SAMD5: variants seen among roughly 807,000 people sequenced by gnomAD.
The protein encoded by SAMD5 is sterile alpha motif domain containing 5.
A neutral mutation model predicts 11.3 loss-of-function variants in SAMD5; 13 were observed. The observed-to-expected ratio is 1.15, with a 90% CI of 0.75 to 1.83. SAMD5 has a LOEUF of 1.83. Ranked by LOEUF, SAMD5 falls within the 40% of genes most tolerant of loss-of-function variation. The pLI, the probability that SAMD5 is intolerant of heterozygous loss-of-function variation, is 0.00. For missense variants in SAMD5, 255 were observed against 239.1 expected (o/e 1.07, Z -0.44); for synonymous variants, 129 against 111.3 (o/e 1.16, Z -1.00).
the SAMD5 span, among the ~76,000 whole-genome samples, chr6:147,837,892 C>A: frequency 0.17 from 25,370 of 152,000 alleles, 2,469 homozygotes; most frequent in East Asian, 0.39. Flanking sequence ...CATGAGAGGC[C>A]AAATTCACCT....
chr6:147,746,550 A>G, the SAMD5 span, among the ~76,000 whole-genome samples: 2 of 152,216 alleles, frequency 1.3e-5, no homozygotes. Flanking sequence ...AATTAGAGTT[A>G]AAGAGGAAAT....
At chr6:147,780,356 C>A in the SAMD5 span, among the ~76,000 whole-genome samples, 1 of 151,940 alleles carries the variant, frequency 6.6e-6, no homozygotes, top group Admixed American at 6.6e-5. Context: ...TATAGATGCC[C>A]GCCACCACCC....
chr6:147,802,727 A>G, the SAMD5 span, among the ~76,000 whole-genome samples: 2 of 151,866 alleles, frequency 1.3e-5, no homozygotes, highest in Non-Finnish European at 2.9e-5. Flanking sequence ...AAAGAAATTA[A>G]CTACCAGCGC....
chr6:147,520,856 G>A (rs1225732031), intron 1 of SAMD5, among the ~76,000 whole-genome samples: 3 of 152,024 alleles, frequency 2.0e-5, no homozygotes, highest in African/African-American at 4.8e-5. Flanking sequence ...ACATACTTAC[G>A]TTTTAATGAT....
At chr6:147,599,421 G>A (rs1789583063) in intron 1 of SAMD5, among the ~76,000 whole-genome samples, 1 of 152,276 alleles carries the variant, frequency 6.6e-6, no homozygotes, top group East Asian at 1.9e-4. Context: ...GAATCTGTGA[G>A]CACATTTTAA....
chr6:147,800,471 A>G, the SAMD5 span, among the ~76,000 whole-genome samples: 1 of 152,142 alleles, frequency 6.6e-6, no homozygotes, highest in Non-Finnish European at 1.5e-5. Context: ...GCTCTCTTCA[A>G]AGCTGTCAGA....
At chr6:147,916,718 C>G in the SAMD5 span, among the ~76,000 whole-genome samples, 1 of 125,690 alleles carries the variant, frequency 8.0e-6, no homozygotes, top group East Asian at 2.8e-4. Context: ...CCCCCCACCC[C>G]ACTACAGTCC....
intron 1 of SAMD5, among the ~76,000 whole-genome samples, chr6:147,729,076 G>T (rs542080800): frequency 6.6e-6 from 1 of 152,288 alleles, no homozygotes; most frequent in South Asian, 2.1e-4. Flanking sequence ...TTCTCCTGAG[G>T]CCTTTGTCCT....
intron 1 of SAMD5, among the ~76,000 whole-genome samples, chr6:147,617,619 C>A (rs1327618647): frequency 6.6e-6 from 1 of 152,154 alleles, no homozygotes; most frequent in African/African-American, 2.4e-5. Flanking sequence ...TGGCAGATGC[C>A]GGAAACAAAT....
chr6:147,665,547 C>T (rs1562346733), intron 1 of SAMD5, among the ~76,000 whole-genome samples: 1 of 152,182 alleles, frequency 6.6e-6, no homozygotes, highest in Non-Finnish European at 1.5e-5. Context: ...TCCTACTGTG[C>T]ACATTTCACT....
the SAMD5 span, among the ~76,000 whole-genome samples, chr6:147,747,177 G>C: frequency 6.6e-6 from 1 of 152,226 alleles, no homozygotes; most frequent in Admixed American, 6.5e-5. Context: ...TGTGAGCACT[G>C]TCTCACAACA....
At chr6:147,738,119 G>A (rs529473114), downstream of SAMD5, among the ~76,000 whole-genome samples, 9 of 152,256 alleles carry the variant, frequency 5.9e-5, no homozygotes, top group African/African-American at 1.9e-4. Flanking sequence ...GGAGATGGCC[G>A]GGCTTCTGCC....
chr6:147,550,877 A>G (rs1168536291), intron 1 of SAMD5, among the ~76,000 whole-genome samples: 1 of 145,502 alleles, frequency 6.9e-6, no homozygotes, highest in Non-Finnish European at 1.5e-5. Context: ...CGTGTAACAA[A>G]ACTGCACTTA....
the SAMD5 span, among the ~76,000 whole-genome samples, chr6:147,882,344 CT>C: frequency 1.3e-5 from 2 of 152,242 alleles, no homozygotes; most frequent in South Asian, 2.1e-4. Context: ...CCATTAGGAA[CT>C]TTGTTAGTTG....
chr6:147,857,287 G>T, the SAMD5 span, among the ~76,000 whole-genome samples: 1 of 151,176 alleles, frequency 6.6e-6, no homozygotes, highest in East Asian at 1.9e-4. Flanking sequence ...AGGATTGCTT[G>T]AGTCCAGGAG....
intron 1 of SAMD5, among the ~76,000 whole-genome samples, chr6:147,730,579 C>T (rs1791699570): frequency 6.6e-6 from 1 of 152,084 alleles, no homozygotes; most frequent in Non-Finnish European, 1.5e-5. Context: ...TTTGGGATGT[C>T]TAACTTTGGA....
chr6:147,752,748 A>G, the SAMD5 span, among the ~76,000 whole-genome samples: 5 of 152,298 alleles, frequency 3.3e-5, no homozygotes, highest in Admixed American at 6.5e-5. Context: ...TGGCACACTT[A>G]TGGAATCTGA....
At chr6:147,549,601 G>A (rs989261209) in intron 1 of SAMD5, among the ~76,000 whole-genome samples, 7 of 152,054 alleles carry the variant, frequency 4.6e-5, no homozygotes, top group Admixed American at 1.3e-4. Flanking sequence ...CACACATCGC[G>A]TCGGTTTTGG....
At chr6:147,853,995 A>G in the SAMD5 span, among the ~76,000 whole-genome samples, 1 of 152,216 alleles carries the variant, frequency 6.6e-6, no homozygotes, top group South Asian at 2.1e-4. Flanking sequence ...TTAAGAAACT[A>G]TTATGCACCA....
Sources: gnomAD v4.1 joint callset for allele counts (sites outside exome capture counted in the v4.1 genomes callset) on GRCh38, gnomAD v4.1.1 for gene constraint, MANE v1.5 for transcripts, NCBI Gene and HGNC (gene_info 2026-07-23, HGNC 2026-07-21) for gene names.